TAF4: variants seen among roughly 807,000 people sequenced by gnomAD.
TAF4 encodes transcription initiation factor TFIID subunit 4.
A neutral mutation model predicts 90.3 loss-of-function variants in TAF4; 9 were observed. The ratio of observed to expected loss-of-function variants is 0.10; its 90% confidence interval spans 0.06 to 0.17. The LOEUF is 0.17. TAF4 is among the 10% of genes least tolerant of loss of function. TAF4 has a pLI of 1.00. For synonymous variants in TAF4, 818 were observed against 638.9 expected (o/e 1.28, Z -4.23); for missense variants, 1,351 against 1,370.7 (o/e 0.99, Z 0.23).
intron 14 of TAF4, 147 bp from the exon 15 acceptor site, chr20:61,976,482 G>A: frequency 1.1e-6 from 1 of 936,832 alleles, no homozygotes; most frequent in Non-Finnish European, 1.6e-6. Flanking sequence ...GCTGGAGCTG[G>A]GGTGCTGTCC....
intron 1 of TAF4, among the ~76,000 whole-genome samples, chr20:62,016,176 C>A (rs1410912912): frequency 6.6e-6 from 1 of 152,230 alleles, no homozygotes; most frequent in Non-Finnish European, 1.5e-5. Flanking sequence ...AGGGAGAGTT[C>A]CACTCTCACC....
At chr20:61,987,260 C>A (rs1302996886) in intron 14 of TAF4, among the ~76,000 whole-genome samples, 1 of 152,086 alleles carries the variant, frequency 6.6e-6, no homozygotes, top group Non-Finnish European at 1.5e-5. Flanking sequence ...AGCTCTCCAG[C>A]ACGTCAAGGC....
In TAF4 at chr20:61,981,762, C is replaced by G. The variant is rs1053728965; in HGVS notation, c.3091-5427G>C. Among the ~76,000 whole-genome samples the G allele has an allele frequency of 2.0e-5, 3 of 150,840 alleles. No homozygotes were observed. The East Asian group carries it at 5.9e-4, about 30-fold the overall frequency. On this transcript the variant is annotated intron_variant, in intron 14 of 14. Transcript: ENST00000252996. The stretch of plus-strand genomic sequence containing the variant: ...AAAAGACAGCAAACCACACCCCACC[C>G]GAGAGGAGACACCAAACCCACACCC...
chr20:62,041,936 A>G (rs2055966042), intron 1 of TAF4, among the ~76,000 whole-genome samples: 1 of 151,492 alleles, frequency 6.6e-6, no homozygotes, highest in African/African-American at 2.4e-5. Flanking sequence ...AAACCCTCCC[A>G]CATACAATTC....
chr20:61,987,668 T>G (rs2055601381), intron 14 of TAF4, among the ~76,000 whole-genome samples: 2 of 152,198 alleles, frequency 1.3e-5, no homozygotes, highest in Admixed American at 1.3e-4. Flanking sequence ...TGGCGGTTTC[T>G]TACAAAACTA....
At chr20:62,030,127 C>T (rs978014834) in intron 1 of TAF4, among the ~76,000 whole-genome samples, 2 of 152,182 alleles carry the variant, frequency 1.3e-5, no homozygotes, top group East Asian at 1.9e-4. Flanking sequence ...TAGGGGTGTG[C>T]GGCCACGTGC....
chr20:62,065,063 G>C lies in TAF4; in HGVS notation c.748C>G (p.Pro250Ala), dbSNP rs1480270744. 14 of 848,526 alleles carry C rather than the reference G, an allele frequency of 1.6e-5. No individual in the cohort carries two copies. The highest frequency in any genetic ancestry group is 6.7e-5 in the Admixed American group (1 of 14,850). 52.6% of individuals were successfully genotyped at this position (848,526 alleles called of 1,614,324 possible). A position where few individuals can be genotyped will look rare whatever the true frequency, so the allele number is the denominator to read the frequency against. The change falls in exon 1 of 15, where the codon CCC (proline) becomes GCC (alanine). Residue 250 changes from proline to alanine, a missense_variant. Pro to Ala is a conservative substitution (Grantham distance 27, BLOSUM62 -1). This residue lies in a region of TAF4 where 782 missense variants were observed against 536.6 expected (regional missense o/e 1.46). Coordinates refer to ENST00000252996, the MANE Select transcript of TAF4 (RefSeq NM_003185.4). Reference sequence around the variant, plus strand: ...GGGGGCGAGGGCGCGGCGGGCGCGGGGGGCGCGGCGGCGCCCACGAAGGGG... The same window carrying C: ...GGGGGCGAGGGCGCGGCGGGCGCGGCGGGCGCGGCGGCGCCCACGAAGGGG... ...TPPFVGAAAP[P>A]APAAPSPPAA...
rs896204904 is a variant in TAF4 at position 62,010,380 on chromosome 20, G to A, written c.1642-215C>T. ...CTGACGATCGCAGTCCTGAGCGGGT[G>A]AGGAAGGCATGATTTGCACCTGCAT... On this transcript the variant is annotated intron_variant, in intron 3 of 14. Coordinates refer to ENST00000252996, the MANE Select transcript of TAF4 (RefSeq NM_003185.4). This position sits in a 1 kb window ranked among gnomAD's most constrained non-coding sequence, Gnocchi z 4.5. 6.6e-6 allele frequency among the ~76,000 whole-genome samples: 1 copy of A among 152,172 alleles called. No homozygotes were observed. Among genetic ancestry groups the A allele is most frequent in the African/African-American group, 2.4e-5 (1 of 41,448 alleles).
rs1181708056 is a variant in TAF4 at position 61,991,729 on chromosome 20, A to G, written c.3090+5821T>C. On this transcript the variant is annotated intron_variant, in intron 14 of 14. Transcript: ENST00000252996. ...TCTGAAGAAAGAAACAAAAGAACAG[A>G]ACAAACACAAAGGATCATTATTGCA... 3.9e-5 allele frequency among the ~76,000 whole-genome samples: 6 copies of G among 152,208 alleles called. No individual in the cohort carries two copies. The East Asian group carries it at 9.6e-4, about 24-fold the overall frequency.
At chr20:62,036,383 A>C (rs1305747650) in intron 1 of TAF4, among the ~76,000 whole-genome samples, 2 of 152,224 alleles carry the variant, frequency 1.3e-5, no homozygotes, top group Admixed American at 6.5e-5. Flanking sequence ...TTACACCCCC[A>C]GATTCGAGGA....
rs755458395 is a variant in TAF4, at chr20:61,976,296, C to A, written c.3130G>T (p.Val1044Phe). The change falls in exon 15 of 15, where the codon GTC becomes TTC. Residue 1044 changes from valine (V) to phenylalanine (F), a missense_variant. Physicochemically the swap from Val to Phe is conservative, Grantham distance 50. Around this residue, in one of 9 missense-constraint regions of TAF4, gnomAD observed 48 missense variants for 50.6 expected, o/e 0.95. Transcript: ENST00000252996. Reference sequence around the variant, plus strand: ...CGCGTGAACTGTCTGGGGGTTCCGACACCCGAGCTGCCTGGGACCACTGAG... The same window carrying A: ...CGCGTGAACTGTCTGGGGGTTCCGAAACCCGAGCTGCCTGGGACCACTGAG... ...PGSVVPGSSG[V>F]GTPRQFTRQR... 6.2e-7 allele frequency: 1 copy of A among 1,613,828 alleles called. No homozygotes were observed. The highest frequency in any genetic ancestry group is 1.1e-5 in the South Asian group (1 of 91,080).
intron 14 of TAF4, among the ~76,000 whole-genome samples, chr20:61,988,707 GAAAC>G (rs2055611832): frequency 6.6e-6 from 1 of 151,792 alleles, no homozygotes; most frequent in Non-Finnish European, 1.5e-5. Flanking sequence ...AAAGGCAAGC[GAAAC>G]AACTGCGAAA....
At chr20:62,023,467 C>T (rs1479910498) in intron 1 of TAF4, among the ~76,000 whole-genome samples, 1 of 151,438 alleles carries the variant, frequency 6.6e-6, no homozygotes, top group Non-Finnish European at 1.5e-5. Flanking sequence ...AGAGCTGACA[C>T]GAGCTGATCT....
At chr20:62,043,023 A>C (rs1393192887) in intron 1 of TAF4, among the ~76,000 whole-genome samples, 1 of 152,216 alleles carries the variant, frequency 6.6e-6, no homozygotes, top group African/African-American at 2.4e-5. Context: ...AAATAATTTT[A>C]AAAATGGAAA....
rs1183419076 is a variant in TAF4, at chr20:61,976,322, C to T, written c.3104G>A (p.Gly1035Asp). 18 of 1,613,348 alleles carry T rather than the reference C, an allele frequency of 1.1e-5. No individual in the cohort carries two copies. The highest frequency in any genetic ancestry group is 1.5e-5 in the Non-Finnish European group (18 of 1,180,006). Residue 1035 changes from glycine to aspartate, a missense_variant, in exon 15 of 15, where the codon GGC becomes GAC. This residue lies in a region of TAF4 where 48 missense variants were observed against 50.6 expected (regional missense o/e 0.95). Transcript: ENST00000252996. ...ACCCGAGCTGCCTGGGACCACTGAG[C>T]CGGGGCCCGACCCCTGGTGATGAAA... ...PGSGAEGSGP[G>D]SVVPGSSGVG... is the part of the protein sequence containing the mutation.
Position 62,065,795 on chromosome 20 carries a change from C to G in TAF4, c.16G>C (p.Asp6His). ...TTGAAGAAGACCTCGTCCAGCAGAT[C>G]CGAGCCCGCCGCCATCTTTTTTCCT... is the stretch of plus-strand genomic sequence containing the variant. MAAGS[D>H]LLDEVFFNSE... is the part of the protein sequence containing the mutation. The change falls in exon 1 of 15, where the codon GAT becomes CAT. Residue 6 changes from aspartate to histidine, a missense_variant. Coordinates refer to ENST00000252996, the MANE Select transcript of TAF4 (RefSeq NM_003185.4). 7.6e-7 allele frequency: 1 copy of G among 1,311,122 alleles called. No homozygotes were observed. Among genetic ancestry groups the G allele is most frequent in the Non-Finnish European group, 9.9e-7 (1 of 1,009,514 alleles). The allele number at this position is 1,311,122 out of a possible 1,614,324, so 81.2% of individuals were successfully genotyped here.
chr20:62,021,886 G>C (rs968271981), intron 1 of TAF4, among the ~76,000 whole-genome samples: 1 of 152,148 alleles, frequency 6.6e-6, no homozygotes, highest in Non-Finnish European at 1.5e-5. Flanking sequence ...CGGCGACAGA[G>C]AGGCACTGTG....
rs1394693298 is a variant in TAF4 at position 62,065,297 on chromosome 20, G to C, written c.514C>G (p.Pro172Ala). The change falls in exon 1 of 15, where the codon CCC becomes GCC. Residue 172 changes from proline to alanine, a missense_variant. Transcript: ENST00000252996. ...GGGCCGGGGCCGGGCCCGGGGCCGG[G>C]GCCGGCGCGGGCGGCCAGCGCGGCG... The part of the protein sequence containing the change: ...GPAALAARAG[P>A]GPGPGPGPGP... The C allele has an allele frequency of 4.3e-5, 40 of 922,512 alleles. No individual in the cohort carries two copies. The highest frequency in any genetic ancestry group is 5.0e-5 in the Non-Finnish European group (39 of 780,988). 57.1% of individuals were successfully genotyped at this position (922,512 alleles called of 1,614,324 possible).
chr20:62,061,253 G>A (rs1024426919), intron 1 of TAF4, among the ~76,000 whole-genome samples: 4 of 152,186 alleles, frequency 2.6e-5, no homozygotes, highest in Non-Finnish European at 5.9e-5. Flanking sequence ...TCCCAACAGC[G>A]CGATTAAGGG....
Sources: gnomAD v4.1 joint callset for allele counts (sites outside exome capture counted in the v4.1 genomes callset) on GRCh38, gnomAD v4.1.1 for gene constraint, gnomAD v4.1.1 regional missense constraint, Gnocchi (gnomAD v3.1) non-coding constraint, MANE v1.5 for transcripts, NCBI Gene and HGNC (gene_info 2026-07-23, HGNC 2026-07-21) for gene names.